The following SPACA3 variants were observed in gnomAD, a reference collection of about 807,000 sequenced individuals.
SPACA3 encodes the protein sperm acrosome associated 3, also known as sperm acrosome membrane-associated protein 3.
Under a neutral mutation model 24.5 loss-of-function variants are expected in SPACA3, and 21 were observed. The observed-to-expected ratio is 0.86, with a 90% confidence interval of 0.61 to 1.24. SPACA3 has a LOEUF of 1.24. Among genes scored for constraint, SPACA3 ranks in the 50% most tolerant of loss-of-function variants. The pLI is 0.00. For synonymous variants in SPACA3, 115 were observed against 106.9 expected (o/e 1.08, Z -0.47); for missense variants, 278 against 275.5 (o/e 1.01, Z -0.06).
chr17:32,996,589 G>A (rs2091723465), intron 2 of SPACA3, among the ~76,000 whole-genome samples: 1 of 152,122 alleles, frequency 6.6e-6, no homozygotes, highest in African/African-American at 2.4e-5. Flanking sequence ...AAGACTGCTG[G>A]GCTAAAAGTC....
chr17:32,995,383 C>A (rs754420728), intron 1 of SPACA3, 26 bp from the exon 2 acceptor site: 3 of 1,563,268 alleles, frequency 1.9e-6, no homozygotes, highest in Non-Finnish European at 2.6e-6. Flanking sequence ...TTCTGCCCAC[C>A]CCTTCTCTCC....
At chr17:32,994,571 G>T (rs537138538) in intron 1 of SPACA3, among the ~76,000 whole-genome samples, 8 of 152,152 alleles carry the variant, frequency 5.3e-5, no homozygotes, top group Non-Finnish European at 1.2e-4. Flanking sequence ...CAGGTGTGGA[G>T]GCGCAGAGGT....
chr17:32,992,973 T>C (rs1370259668), intron 1 of SPACA3: 1 of 470,436 alleles, frequency 2.1e-6, no homozygotes, highest in East Asian at 7.0e-5. Flanking sequence ...TGAGACATGA[T>C]ACAAGAAGAC....
At position 32,996,720 on chromosome 17, in the gene SPACA3, C is replaced by G. The variant is rs1273439891; in HGVS notation, c.344-123C>G. The G allele has an allele frequency of 2.6e-6, 3 of 1,150,182 alleles. No individual in the cohort carries two copies. The African/African-American group carries it at 4.8e-5, about 18-fold the overall frequency. The allele number at this position is 1,150,182 out of a possible 1,614,324, so 71.2% of individuals were successfully genotyped here. A position where few individuals can be genotyped will look rare whatever the true frequency, so the allele number is the denominator to read the frequency against. On this transcript the variant is annotated intron_variant, in intron 2 of 4. Transcript: ENST00000269053. Reference sequence around the variant, plus strand: ...TGCAAAGCAGGTGGGAGGCACCTGCCCCAATCACCTTGATCAGGCAGGAGA... The same window carrying G: ...TGCAAAGCAGGTGGGAGGCACCTGCGCCAATCACCTTGATCAGGCAGGAGA...
chr17:32,995,744 C>A (rs12450506), intron 2 of SPACA3, 27 bp downstream of exon 2: 2 of 1,598,668 alleles, frequency 1.3e-6, no homozygotes, highest in South Asian at 2.2e-5. Context: ...CTGGCGGGCC[C>A]TGACTTCCCC....
intron 2 of SPACA3, among the ~76,000 whole-genome samples, chr17:32,996,534 C>T (rs1394728598): frequency 1.3e-5 from 2 of 149,126 alleles, no homozygotes; most frequent in African/African-American, 5.0e-5. Flanking sequence ...ATTCATTCAA[C>T]AAATTTATTG....
At chr17:32,995,350 A>G in intron 1 of SPACA3, 59 bp from the exon 2 acceptor site, 1 of 1,497,670 alleles carries the variant, frequency 6.7e-7, no homozygotes, top group East Asian at 2.3e-5. Context: ...AAGGGGGCTG[A>G]TACGTGCTGC....
intron 1 of SPACA3, chr17:32,992,849 G>A (rs959899406): frequency 6.4e-6 from 3 of 469,656 alleles, no homozygotes; most frequent in African/African-American, 6.0e-5. Flanking sequence ...GAAGGGCCGT[G>A]TGGACCTCGA....
rs1567711776 is a variant in SPACA3, at chr17:32,995,724, AC to A, written c.343+11del. Reference sequence around the variant, plus strand: ...GGATACAGCCTGGCTGACTGTGAGAACCCCTCTCCCTGGCGGGCCCTGACTT... The same window carrying A: ...GGATACAGCCTGGCTGACTGTGAGAACCCTCTCCCTGGCGGGCCCTGACTT... On this transcript the variant is annotated splice_region_variant and intron_variant, in intron 2 of 4. Coordinates refer to ENST00000269053, the MANE Select transcript of SPACA3 (RefSeq NM_173847.5). 2.5e-6 allele frequency: 4 copies of A among 1,602,024 alleles called. No homozygotes were observed. The Admixed American group carries it at 6.7e-5, about 27-fold the overall frequency.
chr17:32,992,056 G>A (rs2091692973), intron 1 of SPACA3, 84 bp downstream of exon 1: 2 of 1,498,610 alleles, frequency 1.3e-6, no homozygotes, highest in Non-Finnish European at 1.8e-6. Flanking sequence ...GAAAAACAAG[G>A]TGGTGGTTAG....
chr17:32,994,679 C>A (rs2091711332), intron 1 of SPACA3, among the ~76,000 whole-genome samples: 1 of 152,010 alleles, frequency 6.6e-6, no homozygotes, highest in Admixed American at 6.6e-5. Flanking sequence ...GCAGGGATGA[C>A]CAGGGCAGGG....
chr17:32,993,026 G>A (rs759142216), intron 1 of SPACA3: 11 of 456,672 alleles, frequency 2.4e-5, no homozygotes, highest in Admixed American at 7.5e-5. Flanking sequence ...AGGAAAGGAC[G>A]GTGCTCTCGG....
At chr17:32,996,507 A>T (rs1045050425) in intron 2 of SPACA3, among the ~76,000 whole-genome samples, 60 of 150,664 alleles carry the variant, frequency 4.0e-4, no homozygotes, top group African/African-American at 1.4e-3. Context: ...AAAAAAAAAA[A>T]GATTTAGCAC....
Position 32,995,619 on chromosome 17 carries a change from T to G in SPACA3, c.245T>G (p.Leu82Arg). ...LALVCLLSCL[L>R]PSSEAKLYGR... is the part of the protein sequence containing the mutation. ...CTGGTCTGTCTGCTCAGCTGCCTGC[T>G]ACCCTCCAGTGAGGCCAAGCTCTAC... Residue 82 changes from leucine to arginine, a missense_variant, in exon 2 of 5, where the codon CTA (leucine) becomes CGA (arginine). Physicochemically the swap from Leu to Arg is moderately radical, Grantham distance 102. Coordinates refer to ENST00000269053, the MANE Select transcript of SPACA3 (RefSeq NM_173847.5). The G allele has an allele frequency of 6.2e-7, 1 of 1,614,248 alleles. No individual in the cohort carries two copies. Among genetic ancestry groups the G allele is most frequent in the Non-Finnish European group, 8.5e-7 (1 of 1,180,044 alleles).
At chr17:32,995,369 G>C (rs994203990) in intron 1 of SPACA3, 40 bp from the exon 2 acceptor site, 4 of 1,547,518 alleles carry the variant, frequency 2.6e-6, no homozygotes, top group Admixed American at 1.9e-5. Flanking sequence ...GCTGGAGCCT[G>C]GCCTTCTGCC....
At chr17:32,994,677 G>A (rs1410867063) in intron 1 of SPACA3, among the ~76,000 whole-genome samples, 1 of 152,148 alleles carries the variant, frequency 6.6e-6, no homozygotes, top group Admixed American at 6.5e-5. Flanking sequence ...AAGCAGGGAT[G>A]ACCAGGGCAG....
intron 1 of SPACA3, among the ~76,000 whole-genome samples, chr17:32,992,666 G>A (rs1317710950): frequency 6.6e-6 from 1 of 152,152 alleles, no homozygotes; most frequent in East Asian, 1.9e-4. Context: ...CTCTCACTGG[G>A]GAACACACCT....
intron 1 of SPACA3, among the ~76,000 whole-genome samples, chr17:32,994,534 A>T (rs1170732469): frequency 6.6e-6 from 1 of 152,166 alleles, no homozygotes; most frequent in African/African-American, 2.4e-5. Context: ...CAACTCTTTC[A>T]CTTTTTGACT....
intron 2 of SPACA3, among the ~76,000 whole-genome samples, chr17:32,996,384 G>A (rs2091721978): frequency 6.6e-6 from 1 of 151,860 alleles, no homozygotes; most frequent in African/African-American, 2.4e-5. Context: ...AGCTGCTTGG[G>A]AGGCTGAGAC....
Sources: gnomAD v4.1 joint callset for allele counts (sites outside exome capture counted in the v4.1 genomes callset) on GRCh38, gnomAD v4.1.1 for gene constraint, MANE v1.5 for transcripts, NCBI Gene and HGNC (gene_info 2026-07-23, HGNC 2026-07-21) for gene names.